The following RWDD1 variants were observed in gnomAD, a reference collection of about 807,000 sequenced individuals.
The protein encoded by RWDD1 is RWD domain-containing protein 1.
In RWDD1, 17 loss-of-function variants were observed where a neutral mutation model predicts 31.6. The observed-to-expected ratio is 0.54, with a 90% CI of 0.37 to 0.81. The LOEUF (loss-of-function observed/expected upper bound fraction) is 0.81. Among genes scored for constraint, RWDD1 ranks in the 30% least tolerant of loss-of-function variants. The pLI is 0.00. For synonymous variants in RWDD1, 78 were observed against 94.2 expected (o/e 0.83, Z 0.99); for missense variants, 204 against 274.5 (o/e 0.74, Z 1.82).
At chr6:116,580,262 A>G in intron 1 of RWDD1, 33 bp from the exon 2 acceptor site, 2 of 1,517,074 alleles carry the variant, frequency 1.3e-6, no homozygotes, top group Non-Finnish European at 1.8e-6. Context: ...CTTAGAAAGC[A>G]TTTCAATAAC....
At chr6:116,574,313 C>T (rs1026047291) in intron 1 of RWDD1, 1 of 152,164 alleles carries the variant, frequency 6.6e-6, no homozygotes, top group Non-Finnish European at 1.5e-5. Context: ...AGTACATAAT[C>T]CTGTATTTCT....
intron 6 of RWDD1, among the ~76,000 whole-genome samples, chr6:116,592,701 G>A (rs1395992730): frequency 1.3e-5 from 2 of 152,130 alleles, no homozygotes; most frequent in African/African-American, 4.8e-5. Flanking sequence ...TATTATCCTT[G>A]TCTTCAACAT....
In RWDD1 at chr6:116,590,943, G is replaced by A; in HGVS notation, c.603G>A (p.Leu201=). The stretch of plus-strand genomic sequence containing the variant: ...TTGACACATCTGATATCCAGTTCTT[G>A]GAGGATGGTAAGATAATAGTAGAAT... ...HNLDTSDIQF[L]EDAGNNVEVD... Residue 201 remains leucine (L), a synonymous_variant, in exon 6 of 7, where the codon TTG becomes TTA. Transcript: ENST00000466444. 1 of 1,576,892 alleles carries A rather than the reference G, an allele frequency of 6.3e-7. No individual in the cohort carries two copies. Among genetic ancestry groups the A allele is most frequent in the Non-Finnish European group, 8.6e-7 (1 of 1,168,776 alleles).
chr6:116,590,937 G>C lies in RWDD1; in HGVS notation c.597G>C (p.Gln199His), dbSNP rs755830064. The C allele has an allele frequency of 1.3e-6, 2 of 1,571,966 alleles. No homozygotes were observed. The highest frequency in any genetic ancestry group is 1.7e-6 in the Non-Finnish European group (2 of 1,167,294). Residue 199 changes from glutamine (Q) to histidine (H), a missense_variant, in exon 6 of 7, where the codon CAG becomes CAC. Physicochemically the swap from Gln to His is conservative, Grantham distance 24. Coordinates refer to ENST00000466444, the MANE Select transcript of RWDD1 (RefSeq NM_015952.4). ...TDHNLDTSDI[Q>H]FLEDAGNNVE... ...ATAATCTTGACACATCTGATATCCA[G>C]TTCTTGGAGGATGGTAAGATAATAG...
intron 1 of RWDD1, among the ~76,000 whole-genome samples, chr6:116,578,443 C>T (rs936489888): frequency 5.3e-5 from 8 of 152,152 alleles, no homozygotes; most frequent in African/African-American, 1.9e-4. Flanking sequence ...AAGTGATGCT[C>T]AGTAAATGTT....
rs999159251 is a variant in RWDD1, at chr6:116,596,369, G to A, written c.*3268G>A. The A allele has an allele frequency of 1.3e-5, 2 of 152,202 alleles. No homozygotes were observed. Among genetic ancestry groups the A allele is most frequent in the African/African-American group, 4.8e-5 (2 of 41,448 alleles). 9.4% of individuals were successfully genotyped at this position (152,202 alleles called of 1,614,324 possible). A position where few individuals can be genotyped will look rare whatever the true frequency, so the allele number is the denominator to read the frequency against. On this transcript the variant is annotated 3_prime_UTR_variant, in exon 7 of 7. Coordinates refer to ENST00000466444, the MANE Select transcript of RWDD1 (RefSeq NM_015952.4). ...CTGTATCAGGGTGACAAAGATGAAA[G>A]AATGCTGCCAGAAAAGTATATTGTT...
At position 116,571,514 on chromosome 6, in the gene RWDD1, G is replaced by T. The variant is rs1346331230; in HGVS notation, c.-69G>T. ...TGGCCGCCGCCCGCTCTCCCGGCGC[G>T]GCAGCTGTCTGGGCTGCTGCGCGCC... On this transcript the variant is annotated 5_prime_UTR_variant, in exon 1 of 7. Coordinates refer to ENST00000466444, the MANE Select transcript of RWDD1 (RefSeq NM_015952.4). The T allele has an allele frequency of 2.7e-6, 4 of 1,503,194 alleles. No homozygotes were observed. Among genetic ancestry groups the T allele is most frequent in the East Asian group, 2.4e-5 (1 of 42,270 alleles). 93.1% of individuals were successfully genotyped at this position (1,503,194 alleles called of 1,614,324 possible). A position where few individuals can be genotyped will look rare whatever the true frequency, so the allele number is the denominator to read the frequency against.
chr6:116,580,384 T>C, intron 2 of RWDD1, 24 bp downstream of exon 2: 2 of 1,547,332 alleles, frequency 1.3e-6, no homozygotes, highest in African/African-American at 1.4e-5. Context: ...AAAATACTTG[T>C]GGTTTTTCTA....
chr6:116,588,822 C>T lies in RWDD1; in HGVS notation c.271-20C>T, dbSNP rs372491146. 4.2e-5 allele frequency: 63 copies of T among 1,504,032 alleles called. No individual in the cohort carries two copies. The highest frequency in any genetic ancestry group is 5.4e-5 in the Non-Finnish European group (61 of 1,135,680). The allele number at this position is 1,504,032 out of a possible 1,614,324, so 93.2% of individuals were successfully genotyped here. A position where few individuals can be genotyped will look rare whatever the true frequency, so the allele number is the denominator to read the frequency against. ...TATTTTTCTGAGAGTTATTCCTCAT[C>T]ACCTTTTTGTGTTACACAGGCTGAA... is the stretch of plus-strand genomic sequence containing the variant. On this transcript the variant is annotated intron_variant, in intron 3 of 6. Coordinates refer to ENST00000466444, the MANE Select transcript of RWDD1 (RefSeq NM_015952.4).
intron 3 of RWDD1, among the ~76,000 whole-genome samples, chr6:116,587,538 T>G (rs1369848299): frequency 6.6e-6 from 1 of 152,172 alleles, no homozygotes; most frequent in Non-Finnish European, 1.5e-5. Context: ...TCCTAAATGT[T>G]CACAAAATAT....
chr6:116,577,765 GTGC>G (rs1246616248), intron 1 of RWDD1, among the ~76,000 whole-genome samples: 1 of 151,844 alleles, frequency 6.6e-6, no homozygotes, highest in Non-Finnish European at 1.5e-5. Flanking sequence ...TTCATTTTAT[GTGC>G]TGTTGTTAGA....
Position 116,596,705 on chromosome 6 carries a change from G to A in RWDD1, c.*3604G>A. ...AATTTCTTTTGCAGTTATTGATTTGGAATGATCACTTTAAAAGAGCCATCA... is the reference window on the plus strand; with the variant it reads ...AATTTCTTTTGCAGTTATTGATTTGAAATGATCACTTTAAAAGAGCCATCA... On this transcript the variant is annotated 3_prime_UTR_variant, in exon 7 of 7. Coordinates refer to ENST00000466444, the MANE Select transcript of RWDD1 (RefSeq NM_015952.4). The A allele has an allele frequency of 6.6e-6, 1 of 152,058 alleles. No homozygotes were observed. Among genetic ancestry groups the A allele is most frequent in the African/African-American group, 2.4e-5 (1 of 41,410 alleles). The allele number at this position is 152,058 out of a possible 1,614,324, so 9.4% of individuals were successfully genotyped here. A position where few individuals can be genotyped will look rare whatever the true frequency, so the allele number is the denominator to read the frequency against.
intron 3 of RWDD1, among the ~76,000 whole-genome samples, chr6:116,585,511 A>T (rs1356411697): frequency 6.6e-6 from 1 of 152,150 alleles, no homozygotes. Context: ...AGTAGAGAGT[A>T]GGGAGGGGGG....
chr6:116,591,009 C>G, intron 6 of RWDD1, 59 bp downstream of exon 6: 1 of 1,496,554 alleles, frequency 6.7e-7, no homozygotes, highest in Non-Finnish European at 8.8e-7. Context: ...ACCTGTAATC[C>G]CAGCATTTTG....
rs1562379801 is a variant in RWDD1, at chr6:116,588,961, AAAAG to A, written c.393_396del (p.Glu132GlnfsTer20). 2 of 1,431,766 alleles carry A rather than the reference AAAAG, an allele frequency of 1.4e-6. No homozygotes were observed. Among genetic ancestry groups the A allele is most frequent in the Non-Finnish European group, 9.2e-7 (1 of 1,083,414 alleles). The allele number at this position is 1,431,766 out of a possible 1,614,324, so 88.7% of individuals were successfully genotyped here. ...GAGAAGAAGAAAAGAAACAAAAAGA[AAAAG>A]AAGCAGAAGAAGCTGAAAAGGTATA... On this transcript the variant is annotated frameshift_variant, in exon 4 of 7. Coordinates refer to ENST00000466444, the MANE Select transcript of RWDD1 (RefSeq NM_015952.4). LOFTEE classifies it high-confidence loss of function.
intron 2 of RWDD1, among the ~76,000 whole-genome samples, chr6:116,582,901 G>C (rs1272390341): frequency 6.7e-6 from 1 of 148,344 alleles, no homozygotes; most frequent in Non-Finnish European, 1.5e-5. Flanking sequence ...TTTCCTCTTA[G>C]AACAGCTTTT....
At chr6:116,592,010 TC>T (rs978668143) in intron 6 of RWDD1, among the ~76,000 whole-genome samples, 23 of 152,378 alleles carry the variant, frequency 1.5e-4, no homozygotes, top group African/African-American at 5.5e-4. Flanking sequence ...TTAAATTATT[TC>T]CCTAAACCTC....
At chr6:116,582,561 CA>C (rs1399962410) in intron 2 of RWDD1, among the ~76,000 whole-genome samples, 2 of 152,054 alleles carry the variant, frequency 1.3e-5, no homozygotes, top group Non-Finnish European at 2.9e-5. Context: ...TAATGCACTA[CA>C]ATAGATCTGA....
chr6:116,577,466 A>G (rs1264795792), intron 1 of RWDD1, among the ~76,000 whole-genome samples: 2 of 129,836 alleles, frequency 1.5e-5, no homozygotes, highest in African/African-American at 5.3e-5. Context: ...AAATTGAATT[A>G]AAGCCCAGCT....
Sources: gnomAD v4.1 joint callset for allele counts (sites outside exome capture counted in the v4.1 genomes callset) on GRCh38, gnomAD v4.1.1 for gene constraint, MANE v1.5 for transcripts, NCBI Gene and HGNC (gene_info 2026-07-23, HGNC 2026-07-21) for gene names.